CCSAP: variants seen among roughly 807,000 people sequenced by gnomAD.
CCSAP encodes the protein centriole, cilia and spindle-associated protein.
CCSAP carries 17 observed loss-of-function variants against 25.9 expected under a neutral mutation model. The observed-to-expected ratio is 0.66, with a 90% CI of 0.45 to 0.99. The LOEUF is 0.99. Ranked by LOEUF, CCSAP falls within the 50% of genes least tolerant of loss-of-function variation. The pLI, the probability that CCSAP is intolerant of heterozygous loss-of-function variation, is 0.00. For missense variants in CCSAP, 339 were observed against 367.8 expected, an observed-to-expected ratio of 0.92 and a Z score of 0.64; for synonymous variants, 169 against 157.1, an observed-to-expected ratio of 1.08 and a Z score of -0.57.
At position 229,341,110 on chromosome 1, in the gene CCSAP, C is replaced by T. The variant is rs560257401; in HGVS notation, c.367+989G>A. Among the ~76,000 whole-genome samples, 21 of 148,986 alleles carry T rather than the reference C, an allele frequency of 1.4e-4. No individual in the cohort carries two copies. In the South Asian group the frequency reaches 4.2e-3, roughly 30 times the overall value. On this transcript the variant is annotated intron_variant, in intron 2 of 3. Transcript: ENST00000284617. ...TCGGGAGGCTGAGGCAGGAGAATGA[C>T]GTGAATCCGGGAGGCAGAGGTTGCA...
chr1:229,337,354 C>G (rs543901014), intron 2 of CCSAP, among the ~76,000 whole-genome samples: 1 of 152,086 alleles, frequency 6.6e-6, no homozygotes, highest in East Asian at 1.9e-4. Context: ...AGCTAGGATT[C>G]AGTGTTATCA....
chr1:229,328,392 C>T (rs947880978), intron 2 of CCSAP, among the ~76,000 whole-genome samples: 6 of 152,178 alleles, frequency 3.9e-5, no homozygotes, highest in Non-Finnish European at 8.8e-5. Flanking sequence ...CCTCAACCTC[C>T]TGGGCTCAAG....
At chr1:229,330,275 C>T (rs1260980873) in intron 2 of CCSAP, among the ~76,000 whole-genome samples, 1 of 152,144 alleles carries the variant, frequency 6.6e-6, no homozygotes, top group Non-Finnish European at 1.5e-5. Flanking sequence ...GTGCTTGTCA[C>T]GTTGGATGCA....
intron 2 of CCSAP, chr1:229,327,324 G>A (rs1001957758): frequency 1.1e-5 from 4 of 356,056 alleles, no homozygotes; most frequent in Middle Eastern, 3.9e-4. Flanking sequence ...GGCTTTCTCC[G>A]CAATCCCCCA....
Position 229,321,285 on chromosome 1 carries a change from G to A in CCSAP, c.*3950C>T, listed in dbSNP as rs1657818587. On this transcript the variant is annotated 3_prime_UTR_variant, in exon 4 of 4. Coordinates refer to ENST00000284617, the MANE Select transcript of CCSAP (RefSeq NM_145257.5). ...AGGCCTCTACTGCCTTCATTCAAGT[G>A]TCGAGAATTTCAAAATGGAAATAAT... 1 of 152,156 alleles carries A rather than the reference G, an allele frequency of 6.6e-6. No individual in the cohort carries two copies. The highest frequency in any genetic ancestry group is 1.5e-5 in the Non-Finnish European group (1 of 68,028). The allele number at this position is 152,156 out of a possible 1,614,324, so 9.4% of individuals were successfully genotyped here.
intron 3 of CCSAP, 105 bp downstream of exon 3, chr1:229,326,633 G>A: frequency 7.2e-7 from 1 of 1,383,878 alleles, no homozygotes; most frequent in Non-Finnish European, 1.0e-6. Context: ...TCTCCCATGG[G>A]CCCAAAGCAC....
intron 2 of CCSAP, among the ~76,000 whole-genome samples, chr1:229,341,282 G>A (rs1034796730): frequency 6.6e-6 from 1 of 151,790 alleles, no homozygotes; most frequent in Non-Finnish European, 1.5e-5. Flanking sequence ...CCAGATCAGT[G>A]ACTGAATGTC....
In CCSAP at chr1:229,324,286, G is replaced by C. The variant is rs1255270189; in HGVS notation, c.*949C>G. 1 of 152,378 alleles carries C rather than the reference G, an allele frequency of 6.6e-6. No homozygotes were observed. Among genetic ancestry groups the C allele is most frequent in the Non-Finnish European group, 1.5e-5 (1 of 68,024 alleles). The allele number at this position is 152,378 out of a possible 1,614,324, so 9.4% of individuals were successfully genotyped here. A position where few individuals can be genotyped will look rare whatever the true frequency, so the allele number is the denominator to read the frequency against. Reference sequence around the variant, plus strand: ...ACTGGTCCCCATCCCAGTGGAACAAGCAATGCCAATGTACCAAGTGCAATT... The same window carrying C: ...ACTGGTCCCCATCCCAGTGGAACAACCAATGCCAATGTACCAAGTGCAATT... On this transcript the variant is annotated 3_prime_UTR_variant, in exon 4 of 4. Transcript: ENST00000284617.
chr1:229,337,800 G>T (rs1041040013), intron 2 of CCSAP, among the ~76,000 whole-genome samples: 2 of 147,754 alleles, frequency 1.4e-5, no homozygotes, highest in African/African-American at 2.5e-5. Context: ...CTGACAAATG[G>T]CAAGTTTCAT....
In CCSAP at chr1:229,330,750, CAGG is replaced by C. The variant is rs377439447; in HGVS notation, c.368-3747_368-3745del. Among the ~76,000 whole-genome samples, 92 of 149,854 alleles carry C rather than the reference CAGG, an allele frequency of 6.1e-4. 1 individual carries two copies. In the East Asian group the frequency reaches 0.017, roughly 27 times the overall value. On this transcript the variant is annotated intron_variant, in intron 2 of 3. Transcript: ENST00000284617. ...GTCCCAGCTACTTGGGAGGCTGAGG[CAGG>C]AGAATAGTGTGAACCCGGGAGGCGG...
At position 229,325,041 on chromosome 1, in the gene CCSAP, C is replaced by T. The variant is rs1657908956; in HGVS notation, c.*194G>A. ...AATAACCAAATGTCTATGGCTTCAA[C>T]TGTCTGCCCTACTGCCGAGGTAGGT... is the stretch of plus-strand genomic sequence containing the variant. On this transcript the variant is annotated 3_prime_UTR_variant, in exon 4 of 4. Transcript: ENST00000284617. 1.4e-5 allele frequency: 7 copies of T among 503,508 alleles called. No individual in the cohort carries two copies. The South Asian group carries it at 2.2e-4, about 16-fold the overall frequency. 31.2% of individuals were successfully genotyped at this position (503,508 alleles called of 1,614,324 possible). A position where few individuals can be genotyped will look rare whatever the true frequency, so the allele number is the denominator to read the frequency against.
rs1658352727 is a variant in CCSAP, at chr1:229,342,227, G to A, written c.239C>T (p.Ser80Leu). 1.6e-6 allele frequency: 2 copies of A among 1,256,164 alleles called. No individual in the cohort carries two copies. Among genetic ancestry groups the A allele is most frequent in the Non-Finnish European group, 1.0e-6 (1 of 1,003,564 alleles). 77.8% of individuals were successfully genotyped at this position (1,256,164 alleles called of 1,614,324 possible). The change falls in exon 2 of 4, where the codon TCG becomes TTG. Residue 80 changes from serine (S) to leucine (L), a missense_variant. Coordinates refer to ENST00000284617, the MANE Select transcript of CCSAP (RefSeq NM_145257.5). This position sits in a 1 kb window ranked among gnomAD's most constrained non-coding sequence, Gnocchi z 7.5. ...CGCCGGCTCTACGGGCGGCGGGGGCGAGGGCGGGGCGCACCGGGGTGCGGG... is the reference window on the plus strand; with the variant it reads ...CGCCGGCTCTACGGGCGGCGGGGGCAAGGGCGGGGCGCACCGGGGTGCGGG... ...GGPAPRCAPP[S>L]PPPPVEPATQ... is the part of the protein sequence containing the mutation.
chr1:229,342,549 G>T lies in CCSAP; in HGVS notation c.-48-36C>A, dbSNP rs1015414778. The T allele has an allele frequency of 3.2e-6, 3 of 930,194 alleles. No individual in the cohort carries two copies. The highest frequency in any genetic ancestry group is 1.7e-5 in the African/African-American group (1 of 58,196). 57.6% of individuals were successfully genotyped at this position (930,194 alleles called of 1,614,324 possible). ...CGGTACACGACACAGAGGCCGCCCC[G>T]CCCCTCCGCCGGCCCTGCCCGCCGC... On this transcript the variant is annotated intron_variant, in intron 1 of 3. Transcript: ENST00000284617. The surrounding 1 kb of genome is among the most constrained non-coding windows in gnomAD (Gnocchi z 7.5).
At chr1:229,337,953 C>CA (rs1390265024) in intron 2 of CCSAP, among the ~76,000 whole-genome samples, 2 of 151,282 alleles carry the variant, frequency 1.3e-5, no homozygotes, top group East Asian at 3.9e-4. Flanking sequence ...AATAAGCAAA[C>CA]AAAAAAGTGG....
In CCSAP at chr1:229,321,546, A is replaced by G. The variant is rs1657824427; in HGVS notation, c.*3689T>C. 1 of 152,238 alleles carries G rather than the reference A, an allele frequency of 6.6e-6. No homozygotes were observed. Among genetic ancestry groups the G allele is most frequent in the Non-Finnish European group, 1.5e-5 (1 of 68,038 alleles). 9.4% of individuals were successfully genotyped at this position (152,238 alleles called of 1,614,324 possible). ...TTAAAATATCATTTTACTGATCACA[A>G]AATTATATAATAAGGATCTTATATG... On this transcript the variant is annotated 3_prime_UTR_variant, in exon 4 of 4. Coordinates refer to ENST00000284617, the MANE Select transcript of CCSAP (RefSeq NM_145257.5).
chr1:229,321,792 C>T lies in CCSAP; in HGVS notation c.*3443G>A, dbSNP rs1657830235. 1 of 152,222 alleles carries T rather than the reference C, an allele frequency of 6.6e-6. No individual in the cohort carries two copies. The highest frequency in any genetic ancestry group is 1.5e-5 in the Non-Finnish European group (1 of 68,040). The allele number at this position is 152,222 out of a possible 1,614,324, so 9.4% of individuals were successfully genotyped here. On this transcript the variant is annotated 3_prime_UTR_variant, in exon 4 of 4. Transcript: ENST00000284617. The stretch of plus-strand genomic sequence containing the variant: ...CACTTTAAAGAAAGTACAGTCGGCC[C>T]TCTGTATCCGTGAGTTCTGCATCCA...
chr1:229,332,287 T>G (rs961960001), intron 2 of CCSAP, among the ~76,000 whole-genome samples: 1 of 152,026 alleles, frequency 6.6e-6, no homozygotes, highest in African/African-American at 2.4e-5. Flanking sequence ...AGGCCTCGAC[T>G]TTCGACTGGT....
At position 229,342,665 on chromosome 1, in the gene CCSAP, G is replaced by T. The variant is rs1264696650; in HGVS notation, c.-48-152C>A. 5.4e-6 allele frequency: 2 copies of T among 367,388 alleles called. No individual in the cohort carries two copies. Among genetic ancestry groups the T allele is most frequent in the African/African-American group, 4.2e-5 (2 of 47,298 alleles). 22.8% of individuals were successfully genotyped at this position (367,388 alleles called of 1,614,324 possible). A position where few individuals can be genotyped will look rare whatever the true frequency, so the allele number is the denominator to read the frequency against. ...GGGCGGGGCGGGGGCGGCCTCACCCGGCGGCCGGGACCAAGAGCAGAGGCG... is the reference window on the plus strand; with the variant it reads ...GGGCGGGGCGGGGGCGGCCTCACCCTGCGGCCGGGACCAAGAGCAGAGGCG... On this transcript the variant is annotated intron_variant, in intron 1 of 3. Coordinates refer to ENST00000284617, the MANE Select transcript of CCSAP (RefSeq NM_145257.5). The surrounding 1 kb of genome is among the most constrained non-coding windows in gnomAD (Gnocchi z 7.5).
chr1:229,339,890 C>CGT (rs923210587), intron 2 of CCSAP, among the ~76,000 whole-genome samples: 8 of 151,462 alleles, frequency 5.3e-5, no homozygotes, highest in Non-Finnish European at 1.2e-4. Flanking sequence ...GGAGATGGGC[C>CGT]GTGTGTGTGT....
Sources: allele counts gnomAD v4.1 joint callset (sites outside exome capture counted in the v4.1 genomes callset), GRCh38; gene constraint gnomAD v4.1.1; non-coding constraint Gnocchi (gnomAD v3.1); transcripts MANE v1.5; gene names NCBI Gene and HGNC (gene_info 2026-07-23, HGNC 2026-07-21).